Variants in SHCBP1L observed in about 807,000 individuals in gnomAD.
SHCBP1L encodes the protein SHC binding and spindle associated 1 like, also known as testicular spindle-associated protein SHCBP1L.
A neutral mutation model predicts 62.5 loss-of-function variants in SHCBP1L; 67 were observed. The ratio of observed to expected loss-of-function variants is 1.07; its 90% CI spans 0.88 to 1.31. The LOEUF (loss-of-function observed/expected upper bound fraction) is 1.31. SHCBP1L is among the 40% of genes most tolerant of loss of function. The pLI is 0.00. For missense variants in SHCBP1L, 823 were observed against 809.8 expected (o/e 1.02, Z -0.20); for synonymous variants, 284 against 289.4 (o/e 0.98, Z 0.19).
At chr1:182,951,564 T>TG in intron 1 of SHCBP1L, 97 bp from the exon 2 acceptor site, 1 of 844,198 alleles carries the variant, frequency 1.2e-6, no homozygotes, top group Non-Finnish European at 1.7e-6. Context: ...TATTTTAAAA[T>TG]GGAACCAATA....
intron 5 of SHCBP1L, among the ~76,000 whole-genome samples, chr1:182,938,098 T>C (rs973505682): frequency 3.3e-5 from 5 of 152,180 alleles, no homozygotes; most frequent in African/African-American, 1.2e-4. Context: ...CCCCGTCTTG[T>C]CTTTGTGCTT....
chr1:182,943,512 T>A (rs1317724392), intron 2 of SHCBP1L, among the ~76,000 whole-genome samples: 1 of 150,800 alleles, frequency 6.6e-6, no homozygotes, highest in African/African-American at 2.4e-5. Flanking sequence ...AGCGGTGCAA[T>A]CTCAGCTCAC....
At chr1:182,929,530 G>A (rs1018092149) in intron 6 of SHCBP1L, 117 bp downstream of exon 6, 8 of 558,130 alleles carry the variant, frequency 1.4e-5, no homozygotes, top group Non-Finnish European at 2.1e-5. Flanking sequence ...CTGAGCTGGA[G>A]GTAGTTGAGA....
chr1:182,906,038 G>A (rs911935480), intron 6 of SHCBP1L, among the ~76,000 whole-genome samples: 2 of 151,850 alleles, frequency 1.3e-5, no homozygotes, highest in African/African-American at 4.8e-5. Flanking sequence ...GGATTCAAGC[G>A]ATTCTCTTGC....
intron 6 of SHCBP1L, among the ~76,000 whole-genome samples, chr1:182,925,842 T>G (rs112519186): frequency 2.0e-4 from 30 of 152,224 alleles, no homozygotes; most frequent in African/African-American, 7.0e-4. Context: ...AAGCAGATCA[T>G]TGTATATACA....
intron 6 of SHCBP1L, among the ~76,000 whole-genome samples, chr1:182,918,113 C>A (rs1650410783): frequency 6.8e-6 from 1 of 147,490 alleles, no homozygotes; most frequent in African/African-American, 2.5e-5. Context: ...TATATACACA[C>A]ACATATATAC....
At chr1:182,921,219 T>C (rs1650519641) in intron 6 of SHCBP1L, among the ~76,000 whole-genome samples, 1 of 152,184 alleles carries the variant, frequency 6.6e-6, no homozygotes, top group Admixed American at 6.5e-5. Flanking sequence ...GGGGCCTACA[T>C]TCAGCAATCT....
chr1:182,932,775 G>A lies in SHCBP1L; in HGVS notation c.1077-3023C>T, dbSNP rs373583903. Among the ~76,000 whole-genome samples, 12 of 151,580 alleles carry A rather than the reference G, an allele frequency of 7.9e-5. No homozygotes were observed. In the East Asian group the frequency reaches 1.2e-3, roughly 15 times the overall value. On this transcript the variant is annotated intron_variant, in intron 5 of 9. Transcript: ENST00000367547. ...CTCCCAAAGTGCTGGGATTACAGGCGTGAGCCATCCTGCTCAGCCTCTCAA... is the reference window on the plus strand; with the variant it reads ...CTCCCAAAGTGCTGGGATTACAGGCATGAGCCATCCTGCTCAGCCTCTCAA...
At chr1:182,929,832 G>A (rs1650901746) in intron 5 of SHCBP1L, 80 bp from the exon 6 acceptor site, 11 of 901,684 alleles carry the variant, frequency 1.2e-5, no homozygotes, top group Non-Finnish European at 1.6e-5. Flanking sequence ...TAAAAACTTG[G>A]TACTAAGCAT....
intron 2 of SHCBP1L, among the ~76,000 whole-genome samples, chr1:182,946,406 CT>C (rs879905765): frequency 5.1e-3 from 731 of 143,082 alleles, no homozygotes; most frequent in Admixed American, 5.9e-3. Context: ...ATCATTAAGT[CT>C]TTTTTTTTTT....
intron 6 of SHCBP1L, among the ~76,000 whole-genome samples, chr1:182,919,423 G>A (rs1235013389): frequency 6.6e-6 from 1 of 152,104 alleles, no homozygotes; most frequent in Non-Finnish European, 1.5e-5. Flanking sequence ...TTTTTATAGG[G>A]GCATTGATCC....
Position 182,953,066 on chromosome 1 carries a change from C to A in SHCBP1L, c.68G>T (p.Gly23Val). 1 of 1,548,434 alleles carries A rather than the reference C, an allele frequency of 6.5e-7. No homozygotes were observed. Among genetic ancestry groups the A allele is most frequent in the Non-Finnish European group, 8.7e-7 (1 of 1,153,158 alleles). The change falls in exon 1 of 10, where the codon GGC (glycine) becomes GTC (valine). Residue 23 changes from glycine to valine, a missense_variant. Transcript: ENST00000367547. ...GGAGACAGCGGAGGCGGACTTCTCG[C>A]CTCGCCTGTCCGGGCTGATGGTGCG... ...SFRTISPDRR[G>V]EKSASAVSGD... is the part of the protein sequence containing the mutation.
At position 182,905,638 on chromosome 1, in the gene SHCBP1L, T is replaced by C. The variant is rs150034498; in HGVS notation, c.1194A>G (p.Leu398=). The change falls in exon 7 of 10, where the codon TTA becomes TTG. Residue 398 remains leucine, a synonymous_variant. Transcript: ENST00000367547. ...KMMTTEMIKD[L]SSDTLLQQHG... Reference sequence around the variant, plus strand: ...GCTGTTGGAGAAGTGTGTCTGAAGATAAATCCTTTATCTAAAAAGAAATAA... The same window carrying C: ...GCTGTTGGAGAAGTGTGTCTGAAGACAAATCCTTTATCTAAAAAGAAATAA... 2 of 1,611,682 alleles carry C rather than the reference T, an allele frequency of 1.2e-6. No individual in the cohort carries two copies. The highest frequency in any genetic ancestry group is 1.3e-5 in the African/African-American group (1 of 74,870).
At chr1:182,918,630 C>CT (rs796321259) in intron 6 of SHCBP1L, among the ~76,000 whole-genome samples, 6 of 151,770 alleles carry the variant, frequency 4.0e-5, no homozygotes, top group South Asian at 2.1e-4. Context: ...TTTCAATAGC[C>CT]TTTTTTTTGA....
At chr1:182,920,691 AT>A (rs1355795170) in intron 6 of SHCBP1L, among the ~76,000 whole-genome samples, 2 of 152,202 alleles carry the variant, frequency 1.3e-5, no homozygotes, top group Non-Finnish European at 2.9e-5. Context: ...GAGCTGGAAG[AT>A]GAAACAGTCA....
intron 5 of SHCBP1L, among the ~76,000 whole-genome samples, chr1:182,938,564 G>C (rs1308273761): frequency 6.6e-6 from 1 of 150,414 alleles, no homozygotes; most frequent in Admixed American, 6.6e-5. Context: ...CGGCTCAAGT[G>C]ATCCTCCTGC....
rs1162274206 is a variant in SHCBP1L, at chr1:182,905,582, C to T, written c.1250G>A (p.Cys417Tyr). 6.2e-7 allele frequency: 1 copy of T among 1,613,748 alleles called. No individual in the cohort carries two copies. The highest frequency in any genetic ancestry group is 1.7e-5 in the Admixed American group (1 of 60,010). The change falls in exon 7 of 10, where the codon TGT (cysteine) becomes TAT (tyrosine). Residue 417 changes from cysteine to tyrosine, a missense_variant. Cys to Tyr is a radical substitution (Grantham distance 194). Coordinates refer to ENST00000367547, the MANE Select transcript of SHCBP1L (RefSeq NM_030933.4). ...HGDLDLALDN[C>Y]YSGDTVIIFP... Reference sequence around the variant, plus strand: ...AATTATTACTGTATCTCCACTATAACAATTATCCAAAGCCAAATCCAAATC... The same window carrying T: ...AATTATTACTGTATCTCCACTATAATAATTATCCAAAGCCAAATCCAAATC...
At chr1:182,916,572 C>T (rs896743938) in intron 6 of SHCBP1L, among the ~76,000 whole-genome samples, 10 of 152,214 alleles carry the variant, frequency 6.6e-5, no homozygotes, top group African/African-American at 2.2e-4. Flanking sequence ...TATGATTATA[C>T]TATCATTATA....
intron 9 of SHCBP1L, 76 bp downstream of exon 9, chr1:182,902,963 A>G (rs1649888437): frequency 8.4e-7 from 1 of 1,195,626 alleles, no homozygotes; most frequent in Non-Finnish European, 1.1e-6. Flanking sequence ...GCCTTTTAAG[A>G]CTAAAACTAA....
Sources: gnomAD v4.1 joint callset for allele counts (sites outside exome capture counted in the v4.1 genomes callset) on GRCh38, gnomAD v4.1.1 for gene constraint, MANE v1.5 for transcripts, NCBI Gene and HGNC (gene_info 2026-07-23, HGNC 2026-07-21) for gene names.